The following DTD2 variants were observed in gnomAD, a reference collection of about 807,000 sequenced individuals.
DTD2 encodes D-aminoacyl-tRNA deacylase 2.
A neutral mutation model predicts 15.5 loss-of-function variants in DTD2; 12 were observed. The ratio of observed to expected loss-of-function variants is 0.77; its 90% CI spans 0.50 to 1.25. DTD2 has a LOEUF of 1.25. DTD2 is among the 50% of genes most tolerant of loss of function. The pLI is 0.00. For synonymous variants in DTD2, 59 were observed against 77.3 expected, an observed-to-expected ratio of 0.76 and a Z score of 1.24; for missense variants, 170 against 201.1, an observed-to-expected ratio of 0.85 and a Z score of 0.93.
chr14:31,452,485 ACTTG>A (rs1296340782), intron 2 of DTD2: 5 of 152,292 alleles, frequency 3.3e-5, no homozygotes, highest in Middle Eastern at 6.8e-3. Context: ...ATTCCACCAT[ACTTG>A]CTTACTTTAA....
chr14:31,455,825 G>A (rs1196615822), intron 1 of DTD2, among the ~76,000 whole-genome samples: 1 of 151,712 alleles, frequency 6.6e-6, no homozygotes, highest in African/African-American at 2.4e-5. Flanking sequence ...CAAGTGATCC[G>A]CCGGCCTTGG....
chr14:31,454,968 A>G (rs1316079325), intron 1 of DTD2, among the ~76,000 whole-genome samples: 2 of 152,246 alleles, frequency 1.3e-5, no homozygotes, highest in African/African-American at 4.8e-5. Context: ...TTTTAATAAT[A>G]GAACAGGGTA....
intron 2 of DTD2, among the ~76,000 whole-genome samples, chr14:31,451,438 G>A (rs142508129): frequency 0.028 from 4,026 of 145,466 alleles, 89 homozygotes; most frequent in Non-Finnish European, 0.042. Flanking sequence ...GTGAGCCACC[G>A]CGCCTGGCCT....
intron 1 of DTD2, among the ~76,000 whole-genome samples, chr14:31,453,653 CAGACTT>C (rs2032064304): frequency 6.6e-6 from 1 of 152,174 alleles, no homozygotes; most frequent in African/African-American, 2.4e-5. Flanking sequence ...GTAAGGGTGA[CAGACTT>C]AGAAACATTT....
chr14:31,452,085 G>A (rs1016125233), intron 2 of DTD2: 5 of 152,220 alleles, frequency 3.3e-5, no homozygotes, highest in African/African-American at 1.2e-4. Context: ...CATTGACTCT[G>A]TTTTCCATGT....
At chr14:31,451,953 A>G (rs2032040117) in intron 2 of DTD2, among the ~76,000 whole-genome samples, 1 of 152,186 alleles carries the variant, frequency 6.6e-6, no homozygotes, top group Non-Finnish European at 1.5e-5. Context: ...CTATGTAATT[A>G]TCACATGAAT....
chr14:31,451,812 G>C (rs2032038805), intron 2 of DTD2, among the ~76,000 whole-genome samples: 1 of 152,118 alleles, frequency 6.6e-6, no homozygotes, highest in African/African-American at 2.4e-5. Flanking sequence ...TACTAATGAG[G>C]AGAATACAAC....
chr14:31,455,616 CTG>C (rs1176778388), intron 1 of DTD2, among the ~76,000 whole-genome samples: 1 of 150,354 alleles, frequency 6.7e-6, no homozygotes, highest in African/African-American at 2.4e-5. Flanking sequence ...AGGTTTCACT[CTG>C]TGGCTCAGGC....
At position 31,447,966 on chromosome 14, in the gene DTD2, C is replaced by CA. The variant is rs2031981466; in HGVS notation, c.*162dup. Reference sequence around the variant, plus strand: ...GAGATCCAGAGTTTAGGTGACTTGGCAAAGTCATCCAATTAGCAGGTGCAG... The same window carrying CA: ...GAGATCCAGAGTTTAGGTGACTTGGCAAAAGTCATCCAATTAGCAGGTGCAG... On this transcript the variant is annotated 3_prime_UTR_variant, in exon 3 of 3. Transcript: ENST00000310850. 3.3e-6 allele frequency: 2 copies of CA among 597,462 alleles called. No individual in the cohort carries two copies. The highest frequency in any genetic ancestry group is 5.7e-6 in the Non-Finnish European group (2 of 351,266). 37.0% of individuals were successfully genotyped at this position (597,462 alleles called of 1,614,324 possible). A position where few individuals can be genotyped will look rare whatever the true frequency, so the allele number is the denominator to read the frequency against.
intron 1 of DTD2, among the ~76,000 whole-genome samples, chr14:31,455,540 G>A (rs2139364262): frequency 9.6e-6 from 1 of 103,670 alleles, no homozygotes; most frequent in South Asian, 3.7e-4. Context: ...GACAGAGTGA[G>A]ACTCTGTCTC....
At chr14:31,451,252 A>G (rs1239193533) in intron 2 of DTD2, among the ~76,000 whole-genome samples, 2 of 145,684 alleles carry the variant, frequency 1.4e-5, no homozygotes, top group East Asian at 4.1e-4. Context: ...GGCTCATGCC[A>G]TTCTCCTGCC....
chr14:31,448,092 A>G lies in DTD2; in HGVS notation c.*37T>C. ...ATCTAATTATACTTTAGATCATTTCATACCAGAAAACAGCTATAGAAACTA... is the reference window on the plus strand; with the variant it reads ...ATCTAATTATACTTTAGATCATTTCGTACCAGAAAACAGCTATAGAAACTA... On this transcript the variant is annotated 3_prime_UTR_variant, in exon 3 of 3. Transcript: ENST00000310850. The G allele has an allele frequency of 6.7e-7, 1 of 1,484,062 alleles. No individual in the cohort carries two copies. Among genetic ancestry groups the G allele is most frequent in the Non-Finnish European group, 9.2e-7 (1 of 1,090,972 alleles). The allele number at this position is 1,484,062 out of a possible 1,614,324, so 91.9% of individuals were successfully genotyped here. A position where few individuals can be genotyped will look rare whatever the true frequency, so the allele number is the denominator to read the frequency against.
chr14:31,457,056 G>A (rs527736633), intron 1 of DTD2: 131 of 560,902 alleles, frequency 2.3e-4, no homozygotes, highest in African/African-American at 1.9e-3. Flanking sequence ...AGGGAGACAC[G>A]CTCTTCCTCT....
rs1432927479 is a variant in DTD2 at position 31,446,085 on chromosome 14, T to A, written c.*2044A>T. The A allele has an allele frequency of 6.6e-6, 1 of 152,212 alleles. No individual in the cohort carries two copies. Among genetic ancestry groups the A allele is most frequent in the East Asian group, 1.9e-4 (1 of 5,202 alleles). 9.4% of individuals were successfully genotyped at this position (152,212 alleles called of 1,614,324 possible). A position where few individuals can be genotyped will look rare whatever the true frequency, so the allele number is the denominator to read the frequency against. ...TACATTTCAGTAAGTGTATTGTGAA[T>A]CAATAAAGCAAAAGTTAAGGACAAT... On this transcript the variant is annotated 3_prime_UTR_variant, in exon 3 of 3. Coordinates refer to ENST00000310850, the MANE Select transcript of DTD2 (RefSeq NM_080664.3).
rs571203287 is a variant in DTD2 at position 31,456,472 on chromosome 14, G to C, written c.111+811C>G. Among the ~76,000 whole-genome samples the C allele has an allele frequency of 3.3e-5, 5 of 152,178 alleles. No homozygotes were observed. In the South Asian group the frequency reaches 1.0e-3, roughly 32 times the overall value. ...ACTAAAATTGTTTTAAGTAATGCTA[G>C]ATCTGGGACCGAATTCAGCAGAAAA... is the stretch of plus-strand genomic sequence containing the variant. On this transcript the variant is annotated intron_variant, in intron 1 of 2. Transcript: ENST00000310850.
At position 31,457,160 on chromosome 14, in the gene DTD2, G is replaced by A. The variant is rs749646652; in HGVS notation, c.111+123C>T. On this transcript the variant is annotated intron_variant, in intron 1 of 2. Coordinates refer to ENST00000310850, the MANE Select transcript of DTD2 (RefSeq NM_080664.3). Reference sequence around the variant, plus strand: ...ACCGCGGCCAGCTTCAAGCTGACCCGGTATCCCCGCGGCCGGACCGCCGGT... The same window carrying A: ...ACCGCGGCCAGCTTCAAGCTGACCCAGTATCCCCGCGGCCGGACCGCCGGT... 16 of 914,912 alleles carry A rather than the reference G, an allele frequency of 1.7e-5. No homozygotes were observed. The South Asian group carries it at 2.3e-4, about 13-fold the overall frequency. 56.7% of individuals were successfully genotyped at this position (914,912 alleles called of 1,614,324 possible). A position where few individuals can be genotyped will look rare whatever the true frequency, so the allele number is the denominator to read the frequency against.
Position 31,448,272 on chromosome 14 carries a change from A to G in DTD2, c.364T>C (p.Phe122Leu), listed in dbSNP as rs1222291265. 1.9e-6 allele frequency: 3 copies of G among 1,614,168 alleles called. No homozygotes were observed. The highest frequency in any genetic ancestry group is 2.2e-5 in the South Asian group (2 of 91,084). The part of the protein sequence containing the change: ...KEEGFELYSQ[F>L]VTLCEKEVAA... ...ACTTCTTTTTCACATAGAGTCACAA[A>G]TTGAGAGTAAAGTTCAAACCCTTCT... The change falls in exon 3 of 3, where the codon TTT becomes CTT. Residue 122 changes from phenylalanine (F) to leucine (L), a missense_variant. Transcript: ENST00000310850.
intron 1 of DTD2, among the ~76,000 whole-genome samples, chr14:31,456,551 TTAA>T (rs2032097104): frequency 6.6e-6 from 1 of 152,212 alleles, no homozygotes; most frequent in Non-Finnish European, 1.5e-5. Flanking sequence ...TACAAAAGTC[TTAA>T]TTATGAACTA....
rs768316857 is a variant in DTD2 at position 31,448,172 on chromosome 14, T to C, written c.464A>G (p.Lys155Arg). 1.9e-6 allele frequency: 3 copies of C among 1,614,118 alleles called. No individual in the cohort carries two copies. Among genetic ancestry groups the C allele is most frequent in the Non-Finnish European group, 2.5e-6 (3 of 1,179,992 alleles). The change falls in exon 3 of 3, where the codon AAG becomes AGG. Residue 155 changes from lysine to arginine, a missense_variant. By Grantham distance (26) the Lys-to-Arg change is conservative (BLOSUM62 2). Transcript: ENST00000310850. Reference sequence around the variant, plus strand: ...TGTGAATGGTCCGTTGGTGTCCAGCTTTAACACCTGCCTGTTCCCATAAGT... The same window carrying C: ...TGTGAATGGTCCGTTGGTGTCCAGCCTTAACACCTGCCTGTTCCCATAAGT... ...HGTYGNRQVL[K>R]LDTNGPFTHL...
Sources: allele counts gnomAD v4.1 joint callset (sites outside exome capture counted in the v4.1 genomes callset), GRCh38; gene constraint gnomAD v4.1.1; transcripts MANE v1.5; gene names NCBI Gene and HGNC (gene_info 2026-07-23, HGNC 2026-07-21).